Variants in PLA2G4F observed in about 807,000 individuals in gnomAD.
The protein encoded by PLA2G4F is cytosolic phospholipase A2 zeta.
Under a neutral mutation model 103.1 loss-of-function variants are expected in PLA2G4F, and 105 were observed. The ratio of observed to expected loss-of-function variants is 1.02; its 90% confidence interval spans 0.87 to 1.20. The LOEUF (loss-of-function observed/expected upper bound fraction) is 1.20. Among genes scored for constraint, PLA2G4F ranks in the 50% most tolerant of loss-of-function variants. The probability of loss-of-function intolerance (pLI) is 0.00; values close to 1 mark genes in which losing one functional copy is unlikely to be tolerated. For synonymous variants in PLA2G4F, 468 were observed against 441.1 expected, an observed-to-expected ratio of 1.06 and a Z score of -0.76; for missense variants, 1,155 against 1,075.9, an observed-to-expected ratio of 1.07 and a Z score of -1.03.
intron 2 of PLA2G4F, among the ~76,000 whole-genome samples, chr15:42,155,309 C>T (rs891620257): frequency 2.6e-5 from 4 of 151,844 alleles, no homozygotes; most frequent in Non-Finnish European, 5.9e-5. Context: ...CTCACACACA[C>T]GTATACACAT....
chr15:42,153,678 G>A lies in PLA2G4F; in HGVS notation c.451-18C>T, dbSNP rs1055080288. On this transcript the variant is annotated intron_variant, in intron 4 of 19. Coordinates refer to ENST00000397272, the MANE Select transcript of PLA2G4F (RefSeq NM_213600.4). ...TGTGAATCCTACATGGAGGGGGAGG[G>A]AGCACCAATTTTTTCAAGGCTCCAA... is the stretch of plus-strand genomic sequence containing the variant. 7 of 1,613,856 alleles carry A rather than the reference G, an allele frequency of 4.3e-6. No individual in the cohort carries two copies. In the African/African-American group the frequency reaches 6.7e-5, roughly 15 times the overall value.
intron 7 of PLA2G4F, chr15:42,151,591 G>A (rs1317371137): frequency 6.1e-6 from 6 of 985,400 alleles, no homozygotes; most frequent in Non-Finnish European, 7.2e-6. Context: ...GAGGTCCAGA[G>A]GAGTCCCTGC....
Position 42,142,561 on chromosome 15 carries a change from C to G in PLA2G4F, c.2296G>C (p.Val766Leu), listed in dbSNP as rs749613877. 1.2e-6 allele frequency: 2 copies of G among 1,613,860 alleles called. No homozygotes were observed. The highest frequency in any genetic ancestry group is 1.7e-6 in the Non-Finnish European group (2 of 1,179,946). Residue 766 changes from valine to leucine, a missense_variant, in exon 19 of 20, where the codon GTT (valine) becomes CTT (leucine). Coordinates refer to ENST00000397272, the MANE Select transcript of PLA2G4F (RefSeq NM_213600.4). ...AGGTGTGTGCGGAAGGTACGGTTAA[C>G]CAGGGGGAAGTGCAGCACAATGGGG... ...RSPIVLHFPL[V>L]NRTFRTHLAP...
Position 42,141,946 on chromosome 15 carries a change from G to C in PLA2G4F, c.*38C>G, listed in dbSNP as rs769755764. ...TACAAGCCCTGACCATGAGCAGTGT[G>C]TCTCCTCTCTGTCACAGTCCTCCGC... On this transcript the variant is annotated 3_prime_UTR_variant, in exon 20 of 20. Transcript: ENST00000397272. 8.3e-6 allele frequency: 13 copies of C among 1,568,920 alleles called. No homozygotes were observed. The South Asian group carries it at 1.2e-4, about 15-fold the overall frequency.
intron 5 of PLA2G4F, 91 bp from the exon 6 acceptor site, chr15:42,153,433 A>C: frequency 6.5e-7 from 1 of 1,536,632 alleles, no homozygotes; most frequent in Non-Finnish European, 9.0e-7. Flanking sequence ...CGGGCAGAGC[A>C]TGAGGAACAC....
At chr15:42,142,305 C>T in intron 19 of PLA2G4F, 101 bp from the exon 20 acceptor site, 2 of 1,238,814 alleles carry the variant, frequency 1.6e-6, no homozygotes, top group Non-Finnish European at 2.2e-6. Context: ...CTGGCTGGCT[C>T]CCTGCGGGCC....
chr15:42,151,326 G>A, intron 7 of PLA2G4F: 8 of 985,338 alleles, frequency 8.1e-6, no homozygotes, highest in Non-Finnish European at 9.6e-6. Context: ...TGGAGAAGCG[G>A]CGGAGGGCTA....
intron 7 of PLA2G4F, chr15:42,151,396 C>T (rs1040729752): frequency 2.2e-4 from 218 of 985,100 alleles, no homozygotes; most frequent in Non-Finnish European, 2.5e-4. Context: ...TTGTGGGCTC[C>T]GGAGCTCCCT....
At position 42,144,033 on chromosome 15, in the gene PLA2G4F, T is replaced by C. The variant is rs1477822774; in HGVS notation, c.2087A>G (p.Gln696Arg). The C allele has an allele frequency of 1.9e-6, 3 of 1,613,902 alleles. No individual in the cohort carries two copies. The Admixed American group carries it at 5.0e-5, about 27-fold the overall frequency. ...GGACAGAATGAGGTCCACTGCTCTC[T>C]GAGGCAGCAGAGCCAGTGGGAACGG... The part of the protein sequence containing the change: ...NSPFPLALLP[Q>R]RAVDLILSFD... Residue 696 changes from glutamine (Q) to arginine (R), a missense_variant, in exon 18 of 20, where the codon CAG becomes CGG. Gln to Arg is a conservative substitution (Grantham distance 43). This residue lies in a region of PLA2G4F where 782 missense variants were observed against 692.9 expected (regional missense o/e 1.13). Coordinates refer to ENST00000397272, the MANE Select transcript of PLA2G4F (RefSeq NM_213600.4).
chr15:42,155,974 C>G (rs567430760), intron 1 of PLA2G4F, among the ~76,000 whole-genome samples: 151 of 152,254 alleles, frequency 9.9e-4, no homozygotes, highest in African/African-American at 3.5e-3. Context: ...TGTGACACCC[C>G]CTCCCTTGCT....
chr15:42,146,816 A>G, intron 13 of PLA2G4F: 1 of 302,200 alleles, frequency 3.3e-6, no homozygotes, highest in South Asian at 4.9e-5. Flanking sequence ...ACATCCTGAG[A>G]ACAACTAAAA....
chr15:42,147,419 G>A lies in PLA2G4F; in HGVS notation c.1197-73C>T, dbSNP rs759070018. The stretch of plus-strand genomic sequence containing the variant: ...CGGGAGAGAGGGGTGCAGAGTCTGT[G>A]AGTGGCCCTCCACCCCCACCACTTG... On this transcript the variant is annotated intron_variant, in intron 12 of 19. Transcript: ENST00000397272. 13 of 1,472,270 alleles carry A rather than the reference G, an allele frequency of 8.8e-6. No individual in the cohort carries two copies. The Admixed American group carries it at 1.6e-4, about 18-fold the overall frequency. 91.2% of individuals were successfully genotyped at this position (1,472,270 alleles called of 1,614,324 possible). A position where few individuals can be genotyped will look rare whatever the true frequency, so the allele number is the denominator to read the frequency against.
chr15:42,149,130 C>T (rs2048925822), intron 11 of PLA2G4F: 1 of 985,318 alleles, frequency 1.0e-6, no homozygotes, highest in African/African-American at 1.7e-5. Context: ...CCAACCTCCA[C>T]ATCCCTTTGA....
intron 12 of PLA2G4F, 117 bp downstream of exon 12, chr15:42,147,509 C>A: frequency 7.0e-7 from 1 of 1,424,420 alleles, no homozygotes; most frequent in Non-Finnish European, 9.6e-7. Context: ...TCCTGCCCCT[C>A]CTAACACCCT....
intron 2 of PLA2G4F, among the ~76,000 whole-genome samples, chr15:42,154,750 CCT>C (rs1181506115): frequency 6.6e-6 from 1 of 152,172 alleles, no homozygotes; most frequent in African/African-American, 2.4e-5. Flanking sequence ...AAATCCCCTC[CCT>C]GTGTGGGCAC....
At position 42,148,533 on chromosome 15, in the gene PLA2G4F, T is replaced by TC. The variant is rs1364760431; in HGVS notation, c.1060-772dup. Reference sequence around the variant, plus strand: ...CAGCAGCCTCCCTCCACCTCCCCTTTCCCCAGCAGCAACAATGAAATCGAT... The same window carrying TC: ...CAGCAGCCTCCCTCCACCTCCCCTTTCCCCCAGCAGCAACAATGAAATCGAT... On this transcript the variant is annotated intron_variant, in intron 11 of 19. Transcript: ENST00000397272. 3.4e-6 allele frequency: 3 copies of TC among 878,724 alleles called. No individual in the cohort carries two copies. In the African/African-American group the frequency reaches 5.5e-5, roughly 16 times the overall value. 54.4% of individuals were successfully genotyped at this position (878,724 alleles called of 1,614,324 possible).
At chr15:42,142,234 A>G in intron 19 of PLA2G4F, 30 bp from the exon 20 acceptor site, 1 of 1,575,196 alleles carries the variant, frequency 6.3e-7, no homozygotes, top group Non-Finnish European at 8.7e-7. Context: ...AGGAGAGGCC[A>G]GGATGGAGCC....
chr15:42,142,826 GTGACT>G, intron 18 of PLA2G4F, 112 bp from the exon 19 acceptor site: 1 of 1,129,638 alleles, frequency 8.9e-7, no homozygotes, highest in East Asian at 2.5e-5. Context: ...GACTAGCTGA[GTGACT>G]TCAGGCAGGT....
At chr15:42,144,273 C>A in intron 17 of PLA2G4F, 129 bp from the exon 18 acceptor site, 2 of 1,401,140 alleles carry the variant, frequency 1.4e-6, no homozygotes, top group Non-Finnish European at 1.9e-6. Flanking sequence ...GACTCCTGCC[C>A]CAAGCCCTTG....
Sources: gnomAD v4.1 joint callset for allele counts (sites outside exome capture counted in the v4.1 genomes callset) on GRCh38, gnomAD v4.1.1 for gene constraint, gnomAD v4.1.1 regional missense constraint, MANE v1.5 for transcripts, NCBI Gene and HGNC (gene_info 2026-07-23, HGNC 2026-07-21) for gene names.